Variants in MTHFD2L observed in about 807,000 individuals in gnomAD.
MTHFD2L encodes methylenetetrahydrofolate dehydrogenase (NADP+ dependent) 2 like.
A neutral mutation model predicts 34.9 loss-of-function variants in MTHFD2L; 29 were observed. That is an observed-to-expected ratio of 0.83 (90% CI 0.62 to 1.13). MTHFD2L has a LOEUF of 1.13. Ranked by LOEUF, MTHFD2L falls within the 50% of genes most tolerant of loss-of-function variation. MTHFD2L has a pLI of 0.00. For missense variants in MTHFD2L, 481 were observed against 446.5 expected, an observed-to-expected ratio of 1.08 and a Z score of -0.70; for synonymous variants, 167 against 155.7, an observed-to-expected ratio of 1.07 and a Z score of -0.54.
At chr4:74,182,740 G>A (rs149428582) in intron 3 of MTHFD2L, 2 of 152,228 alleles carry the variant, frequency 1.3e-5, no homozygotes, top group African/African-American at 4.8e-5. Context: ...GAGCCCATGT[G>A]ACTACTGGAC....
intron 1 of MTHFD2L, among the ~76,000 whole-genome samples, chr4:74,130,180 C>A (rs1285236923): frequency 2.6e-5 from 4 of 152,102 alleles, no homozygotes; most frequent in African/African-American, 9.7e-5. Flanking sequence ...GGTACCATTC[C>A]TTCTGAAACT....
intron 6 of MTHFD2L, among the ~76,000 whole-genome samples, chr4:74,235,141 A>G: frequency 6.6e-6 from 1 of 152,170 alleles, no homozygotes. Context: ...AGAAATTTTA[A>G]TTTTATCCTG....
At chr4:74,217,132 T>C (rs1737337354) in intron 5 of MTHFD2L, among the ~76,000 whole-genome samples, 1 of 151,880 alleles carries the variant, frequency 6.6e-6, no homozygotes. Flanking sequence ...ATATGTCTTA[T>C]GTGCTTATTT....
chr4:74,136,185 A>G (rs1366535728), intron 1 of MTHFD2L, among the ~76,000 whole-genome samples: 1 of 152,102 alleles, frequency 6.6e-6, no homozygotes, highest in Non-Finnish European at 1.5e-5. Context: ...TTGGAAAGGT[A>G]GAAGTCAAAT....
At chr4:74,127,928 A>T (rs952639608) in intron 1 of MTHFD2L, among the ~76,000 whole-genome samples, 1 of 152,070 alleles carries the variant, frequency 6.6e-6, no homozygotes, top group Non-Finnish European at 1.5e-5. Flanking sequence ...TGTCATTTTG[A>T]TAAAGGCCAT....
chr4:74,119,106 C>T (rs763765133), upstream of MTHFD2L, among the ~76,000 whole-genome samples: 12 of 152,182 alleles, frequency 7.9e-5, no homozygotes, highest in Non-Finnish European at 1.0e-4. Flanking sequence ...GATAATTCAG[C>T]TGCATCTGGT....
chr4:74,271,850 C>T (rs1047958065), intron 6 of MTHFD2L, among the ~76,000 whole-genome samples: 1 of 151,858 alleles, frequency 6.6e-6, no homozygotes, highest in African/African-American at 2.4e-5. Context: ...TTTCATTGAG[C>T]AGTGGTTTGT....
chr4:74,130,081 G>C (rs965922193), intron 1 of MTHFD2L, among the ~76,000 whole-genome samples: 8 of 152,224 alleles, frequency 5.3e-5, no homozygotes, highest in Admixed American at 2.6e-4. Flanking sequence ...TTCTGAAATT[G>C]AGGCAGTAAT....
intron 2 of MTHFD2L, among the ~76,000 whole-genome samples, chr4:74,115,536 C>T (rs928289114): frequency 7.2e-5 from 11 of 152,218 alleles, no homozygotes; most frequent in Non-Finnish European, 1.3e-4. Context: ...AGAATTAGCG[C>T]GGATGGTTCT....
upstream of MTHFD2L, chr4:74,123,310 C>G (rs978337934): frequency 6.6e-6 from 1 of 152,178 alleles, no homozygotes; most frequent in African/African-American, 2.4e-5. Context: ...ACTCCAGTGT[C>G]TAGGGACTGT....
intron 1 of MTHFD2L, among the ~76,000 whole-genome samples, chr4:74,151,641 A>T (rs1489933504): frequency 6.6e-6 from 1 of 152,240 alleles, no homozygotes; most frequent in Non-Finnish European, 1.5e-5. Flanking sequence ...CTTGGCACAT[A>T]GCAAATTCAG....
chr4:74,256,884 A>C (rs977307226), intron 6 of MTHFD2L, among the ~76,000 whole-genome samples: 1 of 152,182 alleles, frequency 6.6e-6, no homozygotes, highest in African/African-American at 2.4e-5. Context: ...GTTTGAAATC[A>C]GATAATGTGA....
chr4:74,296,535 C>T (rs896273300), intron 7 of MTHFD2L, among the ~76,000 whole-genome samples: 5 of 152,028 alleles, frequency 3.3e-5, no homozygotes, highest in Admixed American at 6.6e-5. Flanking sequence ...GTGTGAAAAC[C>T]GTTTGCACAT....
chr4:74,218,142 T>C (rs1378286288), intron 5 of MTHFD2L, among the ~76,000 whole-genome samples: 1 of 152,186 alleles, frequency 6.6e-6, no homozygotes, highest in African/African-American at 2.4e-5. Context: ...ATACATTTTT[T>C]TTTTAGTCAT....
chr4:74,123,250 G>A (rs1721845860), upstream of MTHFD2L: 1 of 152,106 alleles, frequency 6.6e-6, no homozygotes, highest in African/African-American at 2.4e-5. Context: ...AATATAAAAA[G>A]CCTCAGGAGC....
chr4:74,230,598 AAAAAAAAG>A (rs1406715119), intron 6 of MTHFD2L, among the ~76,000 whole-genome samples: 3 of 151,868 alleles, frequency 2.0e-5, no homozygotes, highest in African/African-American at 4.8e-5. Context: ...TCAGAAAAAA[AAAAAAAAG>A]AAAAAAGAAA....
chr4:74,127,866 C>T (rs1722190137), intron 1 of MTHFD2L, among the ~76,000 whole-genome samples: 1 of 152,090 alleles, frequency 6.6e-6, no homozygotes, highest in Admixed American at 6.6e-5. Flanking sequence ...TTCCCACCAA[C>T]ATGTATGAGG....
intron 7 of MTHFD2L, among the ~76,000 whole-genome samples, chr4:74,290,913 A>G (rs939836861): frequency 4.7e-5 from 7 of 149,306 alleles, no homozygotes; most frequent in Admixed American, 2.7e-4. Flanking sequence ...TCTTAATGCT[A>G]TACTGCGTTG....
At chr4:74,121,202 G>T (rs182112313), upstream of MTHFD2L, among the ~76,000 whole-genome samples, 1 of 152,268 alleles carries the variant, frequency 6.6e-6, no homozygotes, top group Non-Finnish European at 1.5e-5. Flanking sequence ...ATGAATCTGT[G>T]ACCCATTTGT....
Sources: allele counts gnomAD v4.1 joint callset (sites outside exome capture counted in the v4.1 genomes callset), GRCh38; gene constraint gnomAD v4.1.1; transcripts MANE v1.5; gene names NCBI Gene and HGNC (gene_info 2026-07-23, HGNC 2026-07-21).